The following UBASH3A variants were observed in gnomAD, a reference collection of about 807,000 sequenced individuals.
UBASH3A encodes ubiquitin associated and SH3 domain containing A, also known as ubiquitin-associated and SH3 domain-containing protein A.
UBASH3A carries 63 observed loss-of-function variants against 73.5 expected under a neutral mutation model. The ratio of observed to expected loss-of-function variants is 0.86; its 90% CI spans 0.70 to 1.06. UBASH3A has a LOEUF of 1.06. Ranked by LOEUF, UBASH3A falls within the 50% of genes least tolerant of loss-of-function variation. UBASH3A has a pLI of 0.00. For synonymous variants in UBASH3A, 363 were observed against 351.1 expected (o/e 1.03, Z -0.38); for missense variants, 860 against 859.0 (o/e 1.00, Z -0.02).
rs1304085284 is a variant in UBASH3A, at chr21:42,432,186, A to G, written c.1254A>G (p.Gln418=). ...DQIFGKAWLQ[Q]CSTPDGKYYR... ...TCTTCGGGAAGGCATGGCTGCAGCA[A>G]TGCTCCACTCCTGATGGTAGGTCAC... The change falls in exon 9 of 15, where the codon CAA becomes CAG. Residue 418 remains glutamine (Q), a synonymous_variant. Transcript: ENST00000319294. The G allele has an allele frequency of 3.1e-6, 5 of 1,612,734 alleles. No homozygotes were observed. In the African/African-American group the frequency reaches 4.0e-5, roughly 13 times the overall value.
rs148203332 is a variant in UBASH3A at position 42,442,481 on chromosome 21, C to A, written c.1516C>A (p.Arg506=). The part of the protein sequence containing the change: ...ELKLEKKIKI[R]VEPGIFEWTK... ...CAAACTGGAGAAAAAAATCAAGATA[C>A]GAGTGGAACCTGGAATCTTTGAATG... Residue 506 remains arginine, a synonymous_variant, in exon 12 of 15, where the codon CGA becomes AGA. Coordinates refer to ENST00000319294, the MANE Select transcript of UBASH3A (RefSeq NM_018961.4). 3.7e-6 allele frequency: 6 copies of A among 1,614,008 alleles called. No homozygotes were observed. Among genetic ancestry groups the A allele is most frequent in the South Asian group, 1.1e-5 (1 of 91,066 alleles).
intron 10 of UBASH3A, among the ~76,000 whole-genome samples, chr21:42,436,170 GAGTTATAGAGTT>G (rs901698086): frequency 2.0e-5 from 3 of 151,778 alleles, no homozygotes; most frequent in African/African-American, 4.9e-5. Context: ...TAGAGTCATA[GAGTTATAGAGTT>G]AGTTATAGAG....
At chr21:42,434,349 C>CACCTG (rs3050833) in intron 9 of UBASH3A, among the ~76,000 whole-genome samples, 106,109 of 151,358 alleles carry the variant, frequency 0.7, 37,441 homozygotes, top group Non-Finnish European at 0.74. Flanking sequence ...CCAGTGAGCC[C>CACCTG]ACTTCCAGCC....
chr21:42,416,025 C>A (rs968949635), intron 5 of UBASH3A, among the ~76,000 whole-genome samples: 5 of 152,192 alleles, frequency 3.3e-5, no homozygotes, highest in Non-Finnish European at 5.9e-5. Context: ...CTTAAAGACA[C>A]TGTGTGTTTT....
intron 7 of UBASH3A, among the ~76,000 whole-genome samples, chr21:42,419,569 G>A (rs1338748507): frequency 1.3e-5 from 2 of 152,124 alleles, no homozygotes; most frequent in Non-Finnish European, 2.9e-5. Context: ...TTCACCTTTA[G>A]CATCCCTATT....
chr21:42,417,928 G>A (rs1474022183), intron 6 of UBASH3A, among the ~76,000 whole-genome samples: 3 of 137,596 alleles, frequency 2.2e-5, no homozygotes, highest in African/African-American at 8.5e-5. Flanking sequence ...TGTCACCCAG[G>A]GTAGAATGCA....
intron 6 of UBASH3A, among the ~76,000 whole-genome samples, chr21:42,417,758 C>T (rs1049609820): frequency 7.2e-5 from 11 of 151,870 alleles, no homozygotes; most frequent in Non-Finnish European, 1.5e-4. Context: ...TAACCTCACA[C>T]CGAGGAAGGC....
chr21:42,420,807 C>T (rs1013405534), intron 7 of UBASH3A, among the ~76,000 whole-genome samples: 2 of 152,230 alleles, frequency 1.3e-5, no homozygotes, highest in East Asian at 3.8e-4. Context: ...TAAGTCAGAC[C>T]TGCTCAGAAT....
intron 11 of UBASH3A, among the ~76,000 whole-genome samples, chr21:42,439,959 C>A (rs924796067): frequency 7.0e-6 from 1 of 143,284 alleles, no homozygotes; most frequent in Non-Finnish European, 1.5e-5. Flanking sequence ...ACGACACACA[C>A]CACACATCCA....
intron 7 of UBASH3A, among the ~76,000 whole-genome samples, chr21:42,425,361 G>A (rs1341696627): frequency 1.3e-5 from 2 of 152,212 alleles, no homozygotes; most frequent in East Asian, 3.8e-4. Context: ...TCAGTTGATA[G>A]CAAAGCCCTA....
chr21:42,421,358 G>A (rs2053335033), intron 7 of UBASH3A, among the ~76,000 whole-genome samples: 1 of 152,184 alleles, frequency 6.6e-6, no homozygotes, highest in Non-Finnish European at 1.5e-5. Context: ...AGAGCTGTGT[G>A]GCTGGGGAAG....
chr21:42,444,664 C>T (rs530305447), intron 14 of UBASH3A, 21 bp downstream of exon 14: 1 of 1,545,248 alleles, frequency 6.5e-7, no homozygotes, highest in African/African-American at 1.4e-5. Context: ...ACTCTTGGCT[C>T]TTTGGGCCAC....
Position 42,416,467 on chromosome 21 carries a change from A to G in UBASH3A, c.693A>G (p.Lys231=), listed in dbSNP as rs2146518842. 1 of 1,597,342 alleles carries G rather than the reference A, an allele frequency of 6.3e-7. No homozygotes were observed. The highest frequency in any genetic ancestry group is 8.5e-7 in the Non-Finnish European group (1 of 1,172,424). The change falls in exon 6 of 15, where the codon AAA becomes AAG. Residue 231 remains lysine, a synonymous_variant. Transcript: ENST00000319294. ...ACTGCTCCGTGAAGCCTTGCACCAA[A>G]CAGCTGCATCTGACCTTGGCCCACA... is the stretch of plus-strand genomic sequence containing the variant. ...QKYCSVKPCT[K]QLHLTLAHKF...
intron 11 of UBASH3A, among the ~76,000 whole-genome samples, chr21:42,438,788 G>A (rs542447072): frequency 5.3e-5 from 8 of 152,148 alleles, no homozygotes; most frequent in South Asian, 2.1e-4. Context: ...GCACCATGGC[G>A]GGGCTGCAGT....
In UBASH3A at chr21:42,447,070, G is replaced by A. The variant is rs996746100; in HGVS notation, c.1862G>A (p.Gly621Asp). 14 of 1,613,724 alleles carry A rather than the reference G, an allele frequency of 8.7e-6. No individual in the cohort carries two copies. The highest frequency in any genetic ancestry group is 1.2e-5 in the Non-Finnish European group (14 of 1,179,912). Residue 621 changes from glycine (G) to aspartate (D), a missense_variant, in exon 15 of 15, where the codon GGC becomes GAC. Gly to Asp is a moderately conservative substitution (Grantham distance 94). Transcript: ENST00000319294. ...AQLVRKIPSL[G>D]MCFCEENKEE... The stretch of plus-strand genomic sequence containing the variant: ...ACTCTGTTCCAGATCCCTTCCCTGG[G>A]CATGTGCTTCTGTGAAGAAAATAAA...
chr21:42,436,366 T>C lies in UBASH3A; in HGVS notation c.1394-1122T>C, dbSNP rs146600469. 7.2e-3 allele frequency among the ~76,000 whole-genome samples: 1,103 copies of C among 152,254 alleles called. 7 individuals are homozygous for C. Among genetic ancestry groups the C allele is most frequent in the Non-Finnish European group, 0.011 (757 of 68,018 alleles). On this transcript the variant is annotated intron_variant, in intron 10 of 14. Coordinates refer to ENST00000319294, the MANE Select transcript of UBASH3A (RefSeq NM_018961.4). ...CACTCCCCGACAACTGATTCCAGAC[T>C]CCCAGTGTGAGCTCCCAGGACACTG...
intron 6 of UBASH3A, chr21:42,417,419 C>CAAAAAAAAAAAA (rs71190423): frequency 5.4e-5 from 4 of 74,308 alleles, no homozygotes; most frequent in East Asian, 4.1e-4. Context: ...GCGAGACTGG[C>CAAAAAAAAAAAA]AAAAAAAAAA....
rs2053861885 is a variant in UBASH3A, at chr21:42,447,346, C to G, written c.*152C>G. ...CACTTTTATATCCCGGAATATTTCCCTCCGGCTTTCGCCTTTGTAACTCCC... is the reference window on the plus strand; with the variant it reads ...CACTTTTATATCCCGGAATATTTCCGTCCGGCTTTCGCCTTTGTAACTCCC... On this transcript the variant is annotated 3_prime_UTR_variant, in exon 15 of 15. Coordinates refer to ENST00000319294, the MANE Select transcript of UBASH3A (RefSeq NM_018961.4). The G allele has an allele frequency of 2.4e-6, 2 of 840,616 alleles. No individual in the cohort carries two copies. The highest frequency in any genetic ancestry group is 3.6e-6 in the Non-Finnish European group (2 of 560,970). The allele number at this position is 840,616 out of a possible 1,614,324, so 52.1% of individuals were successfully genotyped here.
intron 7 of UBASH3A, 47 bp downstream of exon 7, chr21:42,418,656 C>G: frequency 6.4e-7 from 1 of 1,561,530 alleles, no homozygotes; most frequent in Non-Finnish European, 8.7e-7. Context: ...CTCTGAGTTA[C>G]TGTGTGAGAG....
Sources: gnomAD v4.1 joint callset for allele counts (sites outside exome capture counted in the v4.1 genomes callset) on GRCh38, gnomAD v4.1.1 for gene constraint, MANE v1.5 for transcripts, NCBI Gene and HGNC (gene_info 2026-07-23, HGNC 2026-07-21) for gene names.